EPHB3: variants seen among roughly 807,000 people sequenced by gnomAD.
EPHB3 encodes EPH receptor B3.
In EPHB3, 33 loss-of-function variants were observed where a neutral mutation model predicts 100.2. The ratio of observed to expected loss-of-function variants is 0.33; its 90% CI spans 0.25 to 0.44. The LOEUF is 0.44. Ranked by LOEUF, EPHB3 falls within the 20% of genes least tolerant of loss-of-function variation. The pLI is 1.00. For synonymous variants in EPHB3, 526 were observed against 554.7 expected (o/e 0.95, Z 0.73); for missense variants, 1,045 against 1,378.3 (o/e 0.76, Z 3.83).
Position 184,577,552 on chromosome 3 carries a change from G to A in EPHB3, c.1479+85G>A, listed in dbSNP as rs1714708828. The A allele has an allele frequency of 5.0e-6, 8 of 1,591,496 alleles. No individual in the cohort carries two copies. The highest frequency in any genetic ancestry group is 6.9e-6 in the Non-Finnish European group (8 of 1,167,798). ...CCGGATCATGATGGGGCCCTTGGGA[G>A]CAAGGCCTTGGGTATGGAGGGGGCA... is the stretch of plus-strand genomic sequence containing the variant. On this transcript the variant is annotated intron_variant, in intron 6 of 15. Coordinates refer to ENST00000330394, the MANE Select transcript of EPHB3 (RefSeq NM_004443.4). The surrounding 1 kb of genome is among the most constrained non-coding windows in gnomAD (Gnocchi z 4.9).
rs1396788420 is a variant in EPHB3, at chr3:184,573,402, G to A, written c.856+226G>A. 1.3e-5 allele frequency among the ~76,000 whole-genome samples: 2 copies of A among 152,172 alleles called. No homozygotes were observed. The highest frequency in any genetic ancestry group is 4.8e-5 in the African/African-American group (2 of 41,438). On this transcript the variant is annotated intron_variant, in intron 3 of 15. Transcript: ENST00000330394. This position sits in a 1 kb window ranked among gnomAD's most constrained non-coding sequence, Gnocchi z 4.5. ...ACACAAGGATAGTAAGAGAAAAAAT[G>A]ACATTAAAGAGAGAGGAAGAGAAGC...
intron 1 of EPHB3, among the ~76,000 whole-genome samples, chr3:184,570,768 G>A (rs1008576384): frequency 1.3e-5 from 2 of 152,186 alleles, no homozygotes; most frequent in Non-Finnish European, 2.9e-5. Context: ...CTCTGCTCCT[G>A]CCTCATTAAC....
At position 184,572,915 on chromosome 3, in the gene EPHB3, T is replaced by A; in HGVS notation, c.595T>A (p.Cys199Ser). ...FYLAFQDQGA[C>S]MSLISVRAFY... ...CCTGGCCTTCCAGGACCAGGGCGCCTGCATGTCGCTCATCTCCGTGCGCGC... is the reference window on the plus strand; with the variant it reads ...CCTGGCCTTCCAGGACCAGGGCGCCAGCATGTCGCTCATCTCCGTGCGCGC... Residue 199 changes from cysteine to serine, a missense_variant, in exon 3 of 16, where the codon TGC (cysteine) becomes AGC (serine). By Grantham distance (112) the Cys-to-Ser change is moderately radical. Around this residue, in one of 2 missense-constraint regions of EPHB3, gnomAD observed 985 missense variants for 1,331.1 expected, o/e 0.74. Coordinates refer to ENST00000330394, the MANE Select transcript of EPHB3 (RefSeq NM_004443.4). The surrounding 1 kb of genome is among the most constrained non-coding windows in gnomAD (Gnocchi z 6.6). 1 of 1,564,948 alleles carries A rather than the reference T, an allele frequency of 6.4e-7. No homozygotes were observed. Among genetic ancestry groups the A allele is most frequent in the Non-Finnish European group, 8.7e-7 (1 of 1,154,286 alleles).
In EPHB3 at chr3:184,577,197, A is replaced by G; in HGVS notation, c.1354+14A>G. On this transcript the variant is annotated intron_variant, in intron 5 of 15. Coordinates refer to ENST00000330394, the MANE Select transcript of EPHB3 (RefSeq NM_004443.4). This position sits in a 1 kb window ranked among gnomAD's most constrained non-coding sequence, Gnocchi z 4.9. ...CAAACCAGGCTGGTGAGGAGGGGAC[A>G]CTGGAGGGTAGGGCCTGGGTCACTT... is the stretch of plus-strand genomic sequence containing the variant. The G allele has an allele frequency of 1.3e-6, 2 of 1,583,696 alleles. No homozygotes were observed. The highest frequency in any genetic ancestry group is 1.7e-6 in the Non-Finnish European group (2 of 1,161,594).
intron 3 of EPHB3, chr3:184,575,315 C>T (rs1017819457): frequency 2.4e-6 from 2 of 840,002 alleles, no homozygotes; most frequent in African/African-American, 3.7e-5. Context: ...TGCCCAAGGG[C>T]AGACAGGAGC....
chr3:184,563,536 G>T lies in EPHB3; in HGVS notation c.118+1183G>T, dbSNP rs950450745. 2.0e-5 allele frequency among the ~76,000 whole-genome samples: 3 copies of T among 152,198 alleles called. No individual in the cohort carries two copies. Among genetic ancestry groups the T allele is most frequent in the African/African-American group, 7.2e-5 (3 of 41,450 alleles). On this transcript the variant is annotated intron_variant, in intron 1 of 15. Coordinates refer to ENST00000330394, the MANE Select transcript of EPHB3 (RefSeq NM_004443.4). The surrounding 1 kb of genome is among the most constrained non-coding windows in gnomAD (Gnocchi z 4.1). ...CAGTTCAGAGAGAAAGGCATCCTCT[G>T]GTGCGTTCTAATGTTCTCCAGAGGA... is the stretch of plus-strand genomic sequence containing the variant.
Position 184,562,315 on chromosome 3 carries a change from CGCTGCT to C in EPHB3, c.89_94del (p.Leu30_Leu31del). On this transcript the variant is annotated inframe_deletion, in exon 1 of 16. Transcript: ENST00000330394. This position sits in a 1 kb window ranked among gnomAD's most constrained non-coding sequence, Gnocchi z 4.8. ...CTGCTCCCTCCGCTGCTGCTGCTGCCGCTGCTGCTGCTGCCCGCCGGCTGCCGGGCG... is the reference window on the plus strand; with the variant it reads ...CTGCTCCCTCCGCTGCTGCTGCTGCCGCTGCTGCCCGCCGGCTGCCGGGCG... 8.0e-7 allele frequency: 1 copy of C among 1,250,074 alleles called. No individual in the cohort carries two copies. Among genetic ancestry groups the C allele is most frequent in the Non-Finnish European group, 1.0e-6 (1 of 998,042 alleles). 77.4% of individuals were successfully genotyped at this position (1,250,074 alleles called of 1,614,324 possible).
chr3:184,582,271 TG>T lies in EPHB3; in HGVS notation c.*650del, dbSNP rs1714845135. The T allele has an allele frequency of 1.2e-5, 1 of 82,840 alleles. No individual in the cohort carries two copies. The highest frequency in any genetic ancestry group is 3.4e-4 in the South Asian group (1 of 2,942). 5.1% of individuals were successfully genotyped at this position (82,840 alleles called of 1,614,324 possible). A position where few individuals can be genotyped will look rare whatever the true frequency, so the allele number is the denominator to read the frequency against. The stretch of plus-strand genomic sequence containing the variant: ...ATGTGTGAGTGTGTGTGTGTGTGTG[TG>T]TGTGTGCGCGCGCGCGCGCGTGTGT... On this transcript the variant is annotated 3_prime_UTR_variant, in exon 16 of 16. Coordinates refer to ENST00000330394, the MANE Select transcript of EPHB3 (RefSeq NM_004443.4).
At chr3:184,570,945 C>CTTCT (rs748437276) in intron 1 of EPHB3, among the ~76,000 whole-genome samples, 3 of 149,752 alleles carry the variant, frequency 2.0e-5, no homozygotes, top group African/African-American at 7.4e-5. Flanking sequence ...TGAGCCATCT[C>CTTCT]TTCTTTCTTT....
chr3:184,570,304 G>A (rs1257152617), intron 1 of EPHB3, among the ~76,000 whole-genome samples: 1 of 152,202 alleles, frequency 6.6e-6, no homozygotes, highest in Non-Finnish European at 1.5e-5. Flanking sequence ...TGCAGTCAGA[G>A]TGCAAGGGAT....
At position 184,582,255 on chromosome 3, in the gene EPHB3, T is replaced by A. The variant is rs1714841685; in HGVS notation, c.*633T>A. 1 of 33,160 alleles carries A rather than the reference T, an allele frequency of 3.0e-5. No homozygotes were observed. The highest frequency in any genetic ancestry group is 3.2e-4 in the Admixed American group (1 of 3,160). The allele number at this position is 33,160 out of a possible 1,614,324, so 2.1% of individuals were successfully genotyped here. A position where few individuals can be genotyped will look rare whatever the true frequency, so the allele number is the denominator to read the frequency against. On this transcript the variant is annotated 3_prime_UTR_variant, in exon 16 of 16. Transcript: ENST00000330394. ...CAGAGCCAGAGATGGGATGTGTGAG[T>A]GTGTGTGTGTGTGTGTGTGTGTGCG... is the stretch of plus-strand genomic sequence containing the variant.
rs71188825 is a variant in EPHB3, at chr3:184,568,948, G to GCTCCCTCCCTCC, written c.119-2369_119-2358dup. On this transcript the variant is annotated intron_variant, in intron 1 of 15. Coordinates refer to ENST00000330394, the MANE Select transcript of EPHB3 (RefSeq NM_004443.4). ...AATGAAGAGCCTCCCTGCCTCCCTC[G>GCTCCCTCCCTCC]CTCCCTCCCTCCTTCCCGCCGCCGC... Among the ~76,000 whole-genome samples the GCTCCCTCCCTCC allele has an allele frequency of 7.5e-4, 112 of 149,280 alleles. 2 individuals carry two copies. The South Asian group carries it at 0.022, about 29-fold the overall frequency.
chr3:184,579,378 A>G lies in EPHB3; in HGVS notation c.1802-99A>G. 1.3e-6 allele frequency: 2 copies of G among 1,539,534 alleles called. No homozygotes were observed. Among genetic ancestry groups the G allele is most frequent in the Non-Finnish European group, 1.8e-6 (2 of 1,136,146 alleles). ...GATTAGGGCAGCAACACAGAGGAAT[A>G]TGGGGCTGGGCTCAGCAGGGAGCCT... On this transcript the variant is annotated intron_variant, in intron 9 of 15. Coordinates refer to ENST00000330394, the MANE Select transcript of EPHB3 (RefSeq NM_004443.4). This position sits in a 1 kb window ranked among gnomAD's most constrained non-coding sequence, Gnocchi z 5.2.
rs6809588 is a variant in EPHB3, at chr3:184,565,846, T to C, written c.118+3493T>C. Reference sequence around the variant, plus strand: ...CAGCTGCTGCTGCTGCCACTGCAGCTTCAGCGGCTGCTGCGAGCTGAAGCC... The same window carrying C: ...CAGCTGCTGCTGCTGCCACTGCAGCCTCAGCGGCTGCTGCGAGCTGAAGCC... On this transcript the variant is annotated intron_variant, in intron 1 of 15. Coordinates refer to ENST00000330394, the MANE Select transcript of EPHB3 (RefSeq NM_004443.4). The surrounding 1 kb of genome is among the most constrained non-coding windows in gnomAD (Gnocchi z 4.8). 0.16 allele frequency among the ~76,000 whole-genome samples: 23,937 copies of C among 152,298 alleles called. 2,013 individuals carry two copies. The highest frequency in any genetic ancestry group is 0.22 in the Middle Eastern group (66 of 294).
chr3:184,575,537 C>G (rs1334108807), intron 3 of EPHB3, among the ~76,000 whole-genome samples: 1 of 151,592 alleles, frequency 6.6e-6, no homozygotes, highest in Admixed American at 6.6e-5. Context: ...TTCCCTGCCT[C>G]AACAAGCCCA....
rs1336583389 is a variant in EPHB3 at position 184,562,600 on chromosome 3, C to T, written c.118+247C>T. ...GGGAGCTAGACTCGGGACGAACGTC[C>T]CCCAGAGTCCTGGCCCTGCTGTGAG... On this transcript the variant is annotated intron_variant, in intron 1 of 15. Coordinates refer to ENST00000330394, the MANE Select transcript of EPHB3 (RefSeq NM_004443.4). The surrounding 1 kb of genome is among the most constrained non-coding windows in gnomAD (Gnocchi z 4.8). Among the ~76,000 whole-genome samples, 2 of 152,238 alleles carry T rather than the reference C, an allele frequency of 1.3e-5. No individual in the cohort carries two copies. Among genetic ancestry groups the T allele is most frequent in the East Asian group, 3.9e-4 (2 of 5,152 alleles).
At chr3:184,576,439 C>T (rs1376200262) in intron 4 of EPHB3, among the ~76,000 whole-genome samples, 7 of 152,162 alleles carry the variant, frequency 4.6e-5, no homozygotes, top group African/African-American at 1.4e-4. Flanking sequence ...TTCGGTGTGC[C>T]GGGCATTGTG....
At position 184,580,789 on chromosome 3, in the gene EPHB3, T is replaced by A; in HGVS notation, c.2449T>A (p.Ser817Thr). The change falls in exon 13 of 16, where the codon TCT (serine) becomes ACT (threonine). Residue 817 changes from serine (S) to threonine (T), a missense_variant. Ser to Thr is a moderately conservative substitution (Grantham distance 58). Transcript: ENST00000330394. ...GGCCATAGCCTATCGGAAGTTCACTTCTGCTAGTGATGTCTGGAGCTACGG... is the reference window on the plus strand; with the variant it reads ...GGCCATAGCCTATCGGAAGTTCACTACTGCTAGTGATGTCTGGAGCTACGG... The part of the protein sequence containing the change: ...PEAIAYRKFT[S>T]ASDVWSYGIV... The A allele has an allele frequency of 1.9e-6, 3 of 1,614,190 alleles. No homozygotes were observed. Among genetic ancestry groups the A allele is most frequent in the Non-Finnish European group, 2.5e-6 (3 of 1,180,032 alleles).
At chr3:184,580,077 A>ACTCCTGC (rs1714782401) in intron 11 of EPHB3, 143 bp downstream of exon 11, 1 of 1,311,846 alleles carries the variant, frequency 7.6e-7, no homozygotes, top group African/African-American at 1.5e-5. Context: ...CAGGGCCTTC[A>ACTCCTGC]TAGCCATAAG....
Sources: gnomAD v4.1 joint callset for allele counts (sites outside exome capture counted in the v4.1 genomes callset) on GRCh38, gnomAD v4.1.1 for gene constraint, gnomAD v4.1.1 regional missense constraint, Gnocchi (gnomAD v3.1) non-coding constraint, MANE v1.5 for transcripts, NCBI Gene and HGNC (gene_info 2026-07-23, HGNC 2026-07-21) for gene names.